KIAA1217: variants seen among roughly 807,000 people sequenced by gnomAD.
The protein encoded by KIAA1217 is sickle tail protein homolog.
KIAA1217 carries 88 observed loss-of-function variants against 163.9 expected under a neutral mutation model. The observed-to-expected ratio is 0.54, with a 90% CI of 0.45 to 0.64. KIAA1217 has a LOEUF of 0.64. Among genes scored for constraint, KIAA1217 ranks in the 30% least tolerant of loss-of-function variants. The pLI is 0.00. For missense variants in KIAA1217, 2,372 were observed against 2,475.0 expected (o/e 0.96, Z 0.88); for synonymous variants, 903 against 923.1 (o/e 0.98, Z 0.39).
At chr10:24,318,720 C>T (rs534693237) in intron 2 of KIAA1217, among the ~76,000 whole-genome samples, 7 of 152,164 alleles carry the variant, frequency 4.6e-5, no homozygotes, top group Non-Finnish European at 1.0e-4. Context: ...TCCTATTCCG[C>T]TTTGATTTTT....
chr10:24,131,219 A>G (rs2063641062), intron 2 of KIAA1217, among the ~76,000 whole-genome samples: 1 of 152,172 alleles, frequency 6.6e-6, no homozygotes, highest in Non-Finnish European at 1.5e-5. Flanking sequence ...TTCATCCATA[A>G]TAGCTCTGCT....
intron 2 of KIAA1217, among the ~76,000 whole-genome samples, chr10:24,075,896 T>C (rs1265640158): frequency 1.3e-5 from 2 of 152,086 alleles, no homozygotes; most frequent in Non-Finnish European, 2.9e-5. Flanking sequence ...GAGCCACGAC[T>C]CCCAGCCTTA....
At chr10:24,090,725 C>T (rs1258922067) in intron 2 of KIAA1217, among the ~76,000 whole-genome samples, 1 of 151,852 alleles carries the variant, frequency 6.6e-6, no homozygotes, top group East Asian at 1.9e-4. Flanking sequence ...AACAACTTCA[C>T]AATCGCAGAG....
At chr10:24,088,250 A>ATGTACATATATATATATATAT (rs565134967) in intron 2 of KIAA1217, among the ~76,000 whole-genome samples, 1 of 109,324 alleles carries the variant, frequency 9.1e-6, no homozygotes, top group Non-Finnish European at 2.2e-5. Context: ...CTGTTTTTTT[A>ATGTACATATATATATATATAT]ATATACATAT....
At chr10:23,905,637 G>T (rs140706941) in intron 1 of KIAA1217, among the ~76,000 whole-genome samples, 20 of 152,204 alleles carry the variant, frequency 1.3e-4, no homozygotes, top group African/African-American at 4.6e-4. Context: ...GCAAATAAAA[G>T]GTAGGGAGAT....
At chr10:24,087,873 T>C (rs1417020740) in intron 2 of KIAA1217, among the ~76,000 whole-genome samples, 2 of 151,966 alleles carry the variant, frequency 1.3e-5, no homozygotes, top group East Asian at 1.9e-4. Context: ...TTAGAAAGAG[T>C]GTGTCGTGGA....
intron 1 of KIAA1217, among the ~76,000 whole-genome samples, chr10:23,925,074 C>T (rs1842971722): frequency 1.3e-5 from 2 of 151,504 alleles, no homozygotes; most frequent in Admixed American, 1.3e-4. Flanking sequence ...ATTTTTAGTC[C>T]CAAAAGTGTT....
intron 2 of KIAA1217, among the ~76,000 whole-genome samples, chr10:24,223,176 C>A (rs1244599090): frequency 6.6e-6 from 1 of 152,088 alleles, no homozygotes; most frequent in Admixed American, 6.5e-5. Flanking sequence ...ATGTCTTAAC[C>A]GTCTGGGAAT....
chr10:23,790,689 G>A (rs1291015904), intron 1 of KIAA1217, among the ~76,000 whole-genome samples: 1 of 122,880 alleles, frequency 8.1e-6, no homozygotes, highest in Non-Finnish European at 1.6e-5. Flanking sequence ...TAATATGTAT[G>A]TATATATACA....
rs181291914 is a variant in KIAA1217 at position 24,481,949 on chromosome 10, C to T, written c.1679+7889C>T. On this transcript the variant is annotated intron_variant, in intron 6 of 20. Transcript: ENST00000376454. The stretch of plus-strand genomic sequence containing the variant: ...CATGGTACCTATAAAAATGACATCT[C>T]GATATGATGTTTTGCCAGTCTCAGA... 31 of 152,208 alleles carry T rather than the reference C, an allele frequency of 2.0e-4. No homozygotes were observed. The East Asian group carries it at 2.9e-3, about 14-fold the overall frequency. 9.4% of individuals were successfully genotyped at this position (152,208 alleles called of 1,614,324 possible).
intron 1 of KIAA1217, among the ~76,000 whole-genome samples, chr10:23,749,115 T>A (rs1839592504): frequency 6.6e-6 from 1 of 152,154 alleles, no homozygotes; most frequent in African/African-American, 2.4e-5. Flanking sequence ...CACCACTGAC[T>A]TCAATTCCTC....
chr10:24,221,093 C>T (rs949982775), intron 2 of KIAA1217, among the ~76,000 whole-genome samples: 2 of 152,090 alleles, frequency 1.3e-5, no homozygotes, highest in African/African-American at 2.4e-5. Flanking sequence ...TGTGCTCCTT[C>T]TGCATGCGTT....
chr10:24,147,832 CAAAAAAAAAAAAA>C (rs1176106711), intron 2 of KIAA1217, among the ~76,000 whole-genome samples: 5 of 20,770 alleles, frequency 2.4e-4, no homozygotes, highest in South Asian at 7.5e-3. Flanking sequence ...TACTCTGTCT[CAAAAAAAAAAAAA>C]AAAAAAAAAA....
At chr10:23,749,858 T>C (rs1300577479) in intron 1 of KIAA1217, among the ~76,000 whole-genome samples, 1 of 152,230 alleles carries the variant, frequency 6.6e-6, no homozygotes, top group East Asian at 1.9e-4. Flanking sequence ...AGCTATGTGC[T>C]GATTGTACAA....
chr10:24,174,366 C>T (rs1434231378), intron 2 of KIAA1217, among the ~76,000 whole-genome samples: 1 of 152,200 alleles, frequency 6.6e-6, no homozygotes, highest in African/African-American at 2.4e-5. Context: ...CACACCAGAC[C>T]CTAGGGGAGA....
chr10:24,198,803 T>TG (rs1564818196), intron 2 of KIAA1217, among the ~76,000 whole-genome samples: 1 of 152,114 alleles, frequency 6.6e-6, no homozygotes, highest in Non-Finnish European at 1.5e-5. Context: ...ACTGGCAAAC[T>TG]GGGGCTTAAT....
chr10:23,875,721 G>T (rs1046802483), intron 1 of KIAA1217, among the ~76,000 whole-genome samples: 1 of 151,910 alleles, frequency 6.6e-6, no homozygotes, highest in African/African-American at 2.4e-5. Flanking sequence ...ATGATAGACT[G>T]GATTAAGAAA....
At chr10:24,519,464 A>C (rs1051097420) in intron 10 of KIAA1217, among the ~76,000 whole-genome samples, 1 of 152,056 alleles carries the variant, frequency 6.6e-6, no homozygotes, top group African/African-American at 2.4e-5. Context: ...AATCAGTATA[A>C]ACCAGAGGTT....
At position 24,524,670 on chromosome 10, in the gene KIAA1217, C is replaced by T; in HGVS notation, c.2804C>T (p.Ser935Phe). 1 of 1,614,162 alleles carries T rather than the reference C, an allele frequency of 6.2e-7. No individual in the cohort carries two copies. The highest frequency in any genetic ancestry group is 8.5e-7 in the Non-Finnish European group (1 of 1,180,004). ...STLQMSQAPQ[S>F]PQIPMNGSAM... is the part of the protein sequence containing the mutation. ...CTGCAGATGTCGCAGGCTCCGCAGT[C>T]CCCACAGATACCCATGAATGGGTCT... The change falls in exon 13 of 21, where the codon TCC (serine) becomes TTC (phenylalanine). Residue 935 changes from serine to phenylalanine, a missense_variant. Physicochemically the swap from Ser to Phe is radical, Grantham distance 155. This residue lies in a region of KIAA1217 where 1,431 missense variants were observed against 1,470.3 expected (regional missense o/e 0.97). Transcript: ENST00000376454.
Sources: gnomAD v4.1 joint callset for allele counts (sites outside exome capture counted in the v4.1 genomes callset) on GRCh38, gnomAD v4.1.1 for gene constraint, gnomAD v4.1.1 regional missense constraint, MANE v1.5 for transcripts, NCBI Gene and HGNC (gene_info 2026-07-23, HGNC 2026-07-21) for gene names.